The following FHIT variants were observed in gnomAD, a reference collection of about 807,000 sequenced individuals.
FHIT encodes bis(5'-adenosyl)-triphosphatase.
A neutral mutation model predicts 17.9 loss-of-function variants in FHIT; 19 were observed. The observed-to-expected ratio is 1.06, with a 90% CI of 0.74 to 1.56. FHIT has a LOEUF of 1.56. Ranked by LOEUF, FHIT falls within the 40% of genes most tolerant of loss-of-function variation. The pLI is 0.00. For missense variants in FHIT, 248 were observed against 189.2 expected (o/e 1.31, Z -1.82); for synonymous variants, 81 against 69.7 (o/e 1.16, Z -0.81).
At chr3:59,751,833 C>T (rs1700922984) in intron 9 of FHIT, 1 of 241,256 alleles carries the variant, frequency 4.1e-6, no homozygotes, top group African/African-American at 2.2e-5. Context: ...GCTTTGCAGA[C>T]AGACTTGAGC....
intron 5 of FHIT, among the ~76,000 whole-genome samples, chr3:60,129,049 G>GTTTTTTTTTTTTTT (rs1553692328): frequency 8.3e-6 from 1 of 121,042 alleles, no homozygotes. Flanking sequence ...TTCCTTTTTT[G>GTTTTTTTTTTTTTT]TTTGTTTTTT....
chr3:61,000,160 C>T (rs979833742), intron 3 of FHIT, among the ~76,000 whole-genome samples: 2 of 152,104 alleles, frequency 1.3e-5, no homozygotes, highest in African/African-American at 4.8e-5. Flanking sequence ...TGATCAGTCA[C>T]TGGAAGCAGG....
At chr3:60,152,317 T>C (rs1485100023) in intron 5 of FHIT, among the ~76,000 whole-genome samples, 1 of 152,196 alleles carries the variant, frequency 6.6e-6, no homozygotes, top group East Asian at 1.9e-4. Flanking sequence ...ACTACTCTGA[T>C]CTCTCATGTC....
chr3:61,043,606 G>C (rs1055672911), intron 2 of FHIT, among the ~76,000 whole-genome samples: 2 of 152,202 alleles, frequency 1.3e-5, no homozygotes. Context: ...AAACGTCCCT[G>C]TCTGACAGCT....
intron 4 of FHIT, among the ~76,000 whole-genome samples, chr3:60,677,448 C>T (rs898421365): frequency 1.3e-5 from 2 of 152,054 alleles, no homozygotes; most frequent in African/African-American, 4.8e-5. Flanking sequence ...AGATAATGAC[C>T]TCCTATTCCA....
At chr3:61,109,196 G>C (rs563584574) in intron 2 of FHIT, among the ~76,000 whole-genome samples, 2 of 152,270 alleles carry the variant, frequency 1.3e-5, no homozygotes, top group Admixed American at 1.3e-4. Flanking sequence ...ACCCACATTT[G>C]TATCTGAACA....
intron 4 of FHIT, among the ~76,000 whole-genome samples, chr3:60,655,521 T>A (rs1281141659): frequency 1.3e-5 from 2 of 152,152 alleles, no homozygotes; most frequent in African/African-American, 2.4e-5. Context: ...ATGAGACACA[T>A]CATTTTATCT....
rs143712532 is a variant in FHIT at position 61,203,981 on chromosome 3, T to A, written c.-212-3316A>T. On this transcript the variant is annotated intron_variant, in intron 1 of 9. Coordinates refer to ENST00000492590, the MANE Select transcript of FHIT (RefSeq NM_002012.4). The stretch of plus-strand genomic sequence containing the variant: ...TATCAGCAATACGATAAACACTTTT[T>A]TTACATATTCTTAGAATGGAGTATT... Among the ~76,000 whole-genome samples, 9 of 152,348 alleles carry A rather than the reference T, an allele frequency of 5.9e-5. No individual in the cohort carries two copies. The East Asian group carries it at 1.5e-3, about 26-fold the overall frequency.
intron 4 of FHIT, among the ~76,000 whole-genome samples, chr3:60,628,553 C>A (rs1553681638): frequency 6.6e-6 from 1 of 152,144 alleles, no homozygotes. Context: ...CAGTCTGACC[C>A]AATTAAATTC....
At chr3:60,126,325 G>A (rs764355524) in intron 5 of FHIT, among the ~76,000 whole-genome samples, 22 of 151,904 alleles carry the variant, frequency 1.4e-4, no homozygotes, top group Non-Finnish European at 1.5e-4. Context: ...TCTCTATATC[G>A]TCCCTTTATA....
In FHIT at chr3:60,429,357, C is replaced by A. The variant is rs150722153; in HGVS notation, c.103+107503G>T. Reference sequence around the variant, plus strand: ...GATTTGAGTAAGACATTAAAAAATTCTATTGGAAGACTGTCCCAGAAAGGA... The same window carrying A: ...GATTTGAGTAAGACATTAAAAAATTATATTGGAAGACTGTCCCAGAAAGGA... On this transcript the variant is annotated intron_variant, in intron 5 of 9. Coordinates refer to ENST00000492590, the MANE Select transcript of FHIT (RefSeq NM_002012.4). Among the ~76,000 whole-genome samples the A allele has an allele frequency of 1.4e-3, 206 of 152,088 alleles. 2 individuals carry two copies. The Middle Eastern group carries it at 0.031, about 23-fold the overall frequency.
chr3:59,918,233 G>A (rs191184302), intron 8 of FHIT, among the ~76,000 whole-genome samples: 2 of 152,046 alleles, frequency 1.3e-5, no homozygotes, highest in Non-Finnish European at 2.9e-5. Flanking sequence ...TTTTAAATGT[G>A]TTCATTCATT....
At chr3:60,642,785 T>A (rs1330710709) in intron 4 of FHIT, among the ~76,000 whole-genome samples, 2 of 152,046 alleles carry the variant, frequency 1.3e-5, no homozygotes, top group Non-Finnish European at 2.9e-5. Context: ...CAACCCTGCT[T>A]CCTCTGGCCC....
intron 5 of FHIT, among the ~76,000 whole-genome samples, chr3:60,331,002 CT>C (rs941635573): frequency 4.6e-5 from 7 of 152,170 alleles, no homozygotes; most frequent in African/African-American, 1.7e-4. Context: ...CAACCTCTCC[CT>C]TTTCAAGATT....
intron 4 of FHIT, among the ~76,000 whole-genome samples, chr3:60,558,619 G>T (rs936759088): frequency 6.6e-6 from 1 of 152,218 alleles, no homozygotes; most frequent in Non-Finnish European, 1.5e-5. Context: ...CCGACCTCCA[G>T]TCAAAAAAGT....
intron 4 of FHIT, among the ~76,000 whole-genome samples, chr3:60,609,191 A>G (rs1392880758): frequency 2.6e-5 from 4 of 152,144 alleles, no homozygotes; most frequent in Admixed American, 2.6e-4. Context: ...TGACAGCTGC[A>G]TGAACTCAAG....
At chr3:60,410,735 A>T (rs985583496) in intron 5 of FHIT, among the ~76,000 whole-genome samples, 3 of 152,300 alleles carry the variant, frequency 2.0e-5, no homozygotes, top group South Asian at 2.1e-4. Context: ...TTCCCTGGAA[A>T]ACTATTAAGT....
At chr3:60,896,999 CATAG>C (rs1417359449) in intron 3 of FHIT, among the ~76,000 whole-genome samples, 2 of 152,180 alleles carry the variant, frequency 1.3e-5, no homozygotes, top group South Asian at 2.1e-4. Flanking sequence ...TAATCAGACA[CATAG>C]ATAAAGACAT....
intron 5 of FHIT, among the ~76,000 whole-genome samples, chr3:60,208,983 C>T (rs544789006): frequency 1.3e-5 from 2 of 152,240 alleles, no homozygotes; most frequent in Admixed American, 1.3e-4. Context: ...CCTTTAAGGA[C>T]ATTTATAGTC....
Sources: gnomAD v4.1 joint callset for allele counts (sites outside exome capture counted in the v4.1 genomes callset) on GRCh38, gnomAD v4.1.1 for gene constraint, MANE v1.5 for transcripts, NCBI Gene and HGNC (gene_info 2026-07-23, HGNC 2026-07-21) for gene names.